ZNF684: variants seen among roughly 807,000 people sequenced by gnomAD.
ZNF684 encodes hypothetical protein MGC27466.
ZNF684 carries 13 observed loss-of-function variants against 12.8 expected under a neutral mutation model. That is an observed-to-expected ratio of 1.02 (90% CI 0.66 to 1.62). ZNF684 has a LOEUF of 1.62. Among genes scored for constraint, ZNF684 ranks in the 40% most tolerant of loss-of-function variants. The pLI is 0.00. For missense variants in ZNF684, 384 were observed against 446.9 expected, an observed-to-expected ratio of 0.86 and a Z score of 1.27; for synonymous variants, 118 against 151.8, an observed-to-expected ratio of 0.78 and a Z score of 1.64.
chr1:40,535,796 C>A (rs148971568), intron 2 of ZNF684, among the ~76,000 whole-genome samples: 7 of 152,072 alleles, frequency 4.6e-5, no homozygotes, highest in African/African-American at 1.4e-4. Context: ...TGGAATAAAC[C>A]CTTCCTAGTC....
chr1:40,541,729 G>C lies in ZNF684; in HGVS notation c.238+19G>C. Reference sequence around the variant, plus strand: ...TCTCCAGGTGAGTGAGAGAAATTCAGATGGGGCTGTGTGGAGTTGAGATCC... The same window carrying C: ...TCTCCAGGTGAGTGAGAGAAATTCACATGGGGCTGTGTGGAGTTGAGATCC... On this transcript the variant is annotated intron_variant, in intron 4 of 4. Coordinates refer to ENST00000372699, the MANE Select transcript of ZNF684 (RefSeq NM_152373.4). The C allele has an allele frequency of 6.2e-7, 1 of 1,602,648 alleles. No homozygotes were observed. Among genetic ancestry groups the C allele is most frequent in the Non-Finnish European group, 8.5e-7 (1 of 1,171,292 alleles).
chr1:40,532,646 A>C (rs1645964114), intron 1 of ZNF684, among the ~76,000 whole-genome samples: 3 of 146,748 alleles, frequency 2.0e-5, no homozygotes, highest in African/African-American at 7.4e-5. Flanking sequence ...CCAGCTTAAC[A>C]AAAAAAAAAT....
Position 40,539,567 on chromosome 1 carries a change from G to A in ZNF684, c.16-1019G>A, listed in dbSNP as rs564332608. 3.0e-3 allele frequency among the ~76,000 whole-genome samples: 455 copies of A among 152,196 alleles called. 1 individual carries two copies. The highest frequency in any genetic ancestry group is 0.01 in the Middle Eastern group (3 of 294). ...ACCATTTTGCAATCCCAGTGTACAG[G>A]AGTTGAGTAACGTACAAGAGTTTCG... On this transcript the variant is annotated intron_variant, in intron 2 of 4. Transcript: ENST00000372699.
chr1:40,533,263 A>G lies in ZNF684; in HGVS notation c.15+82A>G, dbSNP rs1452795340. ...AAAAGGAAATGTATGGTCAGGAAAA[A>G]TGTAAACCAAATAAAAGATCAAGTC... is the stretch of plus-strand genomic sequence containing the variant. On this transcript the variant is annotated intron_variant, in intron 2 of 4. Coordinates refer to ENST00000372699, the MANE Select transcript of ZNF684 (RefSeq NM_152373.4). The G allele has an allele frequency of 5.2e-6, 7 of 1,349,724 alleles. No individual in the cohort carries two copies. The Admixed American group carries it at 1.2e-4, about 22-fold the overall frequency. 83.6% of individuals were successfully genotyped at this position (1,349,724 alleles called of 1,614,324 possible).
intron 4 of ZNF684, among the ~76,000 whole-genome samples, chr1:40,545,915 CTTTTTT>C (rs55993619): frequency 1.5e-5 from 1 of 67,904 alleles, no homozygotes; most frequent in African/African-American, 6.4e-5. Flanking sequence ...GTCTCCTTTT[CTTTTTT>C]TTTTTTTTTT....
At chr1:40,545,915 CTTTTTTT>C (rs55993619) in intron 4 of ZNF684, among the ~76,000 whole-genome samples, 24 of 67,896 alleles carry the variant, frequency 3.5e-4, no homozygotes, top group East Asian at 1.0e-3. Flanking sequence ...GTCTCCTTTT[CTTTTTTT>C]TTTTTTTTTT....
intron 2 of ZNF684, among the ~76,000 whole-genome samples, chr1:40,534,117 G>A (rs1174868671): frequency 6.6e-6 from 1 of 151,750 alleles, no homozygotes; most frequent in Non-Finnish European, 1.5e-5. Flanking sequence ...GTGAACCACT[G>A]CGCCCGGCCA....
At chr1:40,539,499 T>A (rs989539496) in intron 2 of ZNF684, among the ~76,000 whole-genome samples, 2 of 152,002 alleles carry the variant, frequency 1.3e-5, no homozygotes, top group Non-Finnish European at 2.9e-5. Flanking sequence ...CAAGACCCTA[T>A]ATCAAATAAA....
In ZNF684 at chr1:40,538,313, T is replaced by G. The variant is rs528960200; in HGVS notation, c.16-2273T>G. Among the ~76,000 whole-genome samples the G allele has an allele frequency of 2.0e-5, 3 of 152,302 alleles. No individual in the cohort carries two copies. In the South Asian group the frequency reaches 6.2e-4, roughly 32 times the overall value. Reference sequence around the variant, plus strand: ...TGGCCCCATACAGTATTTTCAAGGTTCATCCATGTTGTAGATGTACCAGTG... The same window carrying G: ...TGGCCCCATACAGTATTTTCAAGGTGCATCCATGTTGTAGATGTACCAGTG... On this transcript the variant is annotated intron_variant, in intron 2 of 4. Transcript: ENST00000372699.
At chr1:40,545,915 CTTTTTTTT>C (rs55993619) in intron 4 of ZNF684, among the ~76,000 whole-genome samples, 1 of 67,892 alleles carries the variant, frequency 1.5e-5, no homozygotes, top group South Asian at 4.8e-4. Context: ...GTCTCCTTTT[CTTTTTTTT>C]TTTTTTTTTT....
At chr1:40,540,462 CATT>C in intron 2 of ZNF684, 121 bp from the exon 3 acceptor site, 2 of 1,051,708 alleles carry the variant, frequency 1.9e-6, no homozygotes, top group Non-Finnish European at 2.7e-6. Context: ...AGCATGTAAT[CATT>C]ATAACTGATT....
Position 40,547,279 on chromosome 1 carries a change from G to T in ZNF684, c.956G>T (p.Arg319Ile), listed in dbSNP as rs1646054447. Reference protein sequence around the residue: ...GNTSVLVTHQRIHTGEKPYSC... With the variant: ...GNTSVLVTHQIIHTGEKPYSC... Reference sequence around the variant, plus strand: ...ACATCCGTGCTTGTTACACACCAAAGAATTCATACAGGAGAGAAACCTTAC... The same window carrying T: ...ACATCCGTGCTTGTTACACACCAAATAATTCATACAGGAGAGAAACCTTAC... The change falls in exon 5 of 5, where the codon AGA becomes ATA. Residue 319 changes from arginine (R) to isoleucine (I), a missense_variant. By Grantham distance (97) the Arg-to-Ile change is moderately conservative. Transcript: ENST00000372699. 1.9e-6 allele frequency: 3 copies of T among 1,614,082 alleles called. No individual in the cohort carries two copies. The highest frequency in any genetic ancestry group is 1.7e-5 in the Admixed American group (1 of 59,996).
At chr1:40,537,585 C>T (rs1645992364) in intron 2 of ZNF684, among the ~76,000 whole-genome samples, 1 of 151,500 alleles carries the variant, frequency 6.6e-6, no homozygotes, top group East Asian at 1.9e-4. Flanking sequence ...ACTAAAAGTA[C>T]AAAAAAAATT....
chr1:40,541,792 C>G, intron 4 of ZNF684, 82 bp downstream of exon 4: 1 of 1,145,840 alleles, frequency 8.7e-7, no homozygotes, highest in Non-Finnish European at 1.3e-6. Flanking sequence ...CTGAAATACT[C>G]TTAGAAGCAC....
intron 4 of ZNF684, among the ~76,000 whole-genome samples, chr1:40,542,612 A>G (rs1045216746): frequency 2.0e-5 from 3 of 152,052 alleles, no homozygotes; most frequent in African/African-American, 7.2e-5. Context: ...TTTTATGCCA[A>G]CTCTAGCATC....
At chr1:40,539,768 AG>A (rs1420373992) in intron 2 of ZNF684, among the ~76,000 whole-genome samples, 1 of 151,688 alleles carries the variant, frequency 6.6e-6, no homozygotes, top group African/African-American at 2.4e-5. Flanking sequence ...CTTCAGTTTC[AG>A]ACCCTAATGT....
At position 40,547,336 on chromosome 1, in the gene ZNF684, A is replaced by G; in HGVS notation, c.1013A>G (p.Lys338Arg). 1.2e-6 allele frequency: 2 copies of G among 1,614,076 alleles called. No homozygotes were observed. The highest frequency in any genetic ancestry group is 1.7e-6 in the Non-Finnish European group (2 of 1,179,942). The change falls in exon 5 of 5, where the codon AAG (lysine) becomes AGG (arginine). Residue 338 changes from lysine to arginine, a missense_variant. By Grantham distance (26) the Lys-to-Arg change is conservative (BLOSUM62 2). Coordinates refer to ENST00000372699, the MANE Select transcript of ZNF684 (RefSeq NM_152373.4). ...ATTGAATGTGGCAAAGCCTTCATCA[A>G]GAAGTCCCATCTCCTCAGACATCAG... ...SCIECGKAFIKKSHLLRHQIT... is the reference protein window; with the variant it reads ...SCIECGKAFIRKSHLLRHQIT...
rs1645966742 is a variant in ZNF684 at position 40,533,181 on chromosome 1, G to A, written c.15G>A (p.Gln5=). 1 of 1,613,368 alleles carries A rather than the reference G, an allele frequency of 6.2e-7. No homozygotes were observed. ...AGCTGCAGAAAATGATCAGCTTCCA[G>A]GTAAGGTATCCATCTATTCATCCAG... MISF[Q]ESVTFQDVAV... Residue 5 remains glutamine, a splice_region_variant and synonymous_variant, in exon 2 of 5, where the codon CAG becomes CAA. Coordinates refer to ENST00000372699, the MANE Select transcript of ZNF684 (RefSeq NM_152373.4).
rs556169640 is a variant in ZNF684 at position 40,540,388 on chromosome 1, C to G, written c.16-198C>G. 2.6e-5 allele frequency among the ~76,000 whole-genome samples: 4 copies of G among 152,220 alleles called. No individual in the cohort carries two copies. In the South Asian group the frequency reaches 8.3e-4, roughly 32 times the overall value. The stretch of plus-strand genomic sequence containing the variant: ...CTTTTTTTTCCCCTGTTGAACTGTT[C>G]TGGCACCAGTTGGATATGTTTAATA... On this transcript the variant is annotated intron_variant, in intron 2 of 4. Coordinates refer to ENST00000372699, the MANE Select transcript of ZNF684 (RefSeq NM_152373.4).
Sources: gnomAD v4.1 joint callset for allele counts (sites outside exome capture counted in the v4.1 genomes callset) on GRCh38, gnomAD v4.1.1 for gene constraint, MANE v1.5 for transcripts, NCBI Gene and HGNC (gene_info 2026-07-23, HGNC 2026-07-21) for gene names.